Variants in RAVER2 observed in about 807,000 individuals in gnomAD.
RAVER2 encodes ribonucleoprotein PTB-binding 2.
RAVER2 carries 46 observed loss-of-function variants against 78.1 expected under a neutral mutation model. That is an observed-to-expected ratio of 0.59 (90% CI 0.46 to 0.75). The LOEUF (loss-of-function observed/expected upper bound fraction) is 0.75. RAVER2 is among the 30% of genes least tolerant of loss of function. The pLI is 0.00. For synonymous variants in RAVER2, 311 were observed against 313.3 expected, an observed-to-expected ratio of 0.99 and a Z score of 0.08; for missense variants, 793 against 837.5, an observed-to-expected ratio of 0.95 and a Z score of 0.66.
At position 64,745,228 on chromosome 1, in the gene RAVER2, C is replaced by A; in HGVS notation, c.56C>A (p.Ala19Glu). The A allele has an allele frequency of 9.1e-7, 1 of 1,098,716 alleles. No homozygotes were observed. The highest frequency in any genetic ancestry group is 1.1e-6 in the Non-Finnish European group (1 of 901,978). 68.1% of individuals were successfully genotyped at this position (1,098,716 alleles called of 1,614,324 possible). The change falls in exon 1 of 12, where the codon GCG (alanine) becomes GAG (glutamate). Residue 19 changes from alanine to glutamate, a missense_variant. Physicochemically the swap from Ala to Glu is moderately radical, Grantham distance 107. Transcript: ENST00000294428. The surrounding 1 kb of genome is among the most constrained non-coding windows in gnomAD (Gnocchi z 4.3). ...GAGGGGGGCGCGGGCCTGGGCAGCG[C>A]GGCGGGGCTGGGGCCGGGGCCGGGG... is the stretch of plus-strand genomic sequence containing the variant.
rs375746982 is a variant in RAVER2, at chr1:64,799,440, T to C, written c.1106-3536T>C. 5.3e-5 allele frequency among the ~76,000 whole-genome samples: 8 copies of C among 152,260 alleles called. No individual in the cohort carries two copies. In the South Asian group the frequency reaches 1.7e-3, roughly 32 times the overall value. ...CTTTTCTTTGGTTTGTTGTTGTTTTTGTTGTTATTTGTTTGTTTTTTTGAG... is the reference window on the plus strand; with the variant it reads ...CTTTTCTTTGGTTTGTTGTTGTTTTCGTTGTTATTTGTTTGTTTTTTTGAG... On this transcript the variant is annotated intron_variant, in intron 5 of 11. Coordinates refer to ENST00000294428, the Ensembl canonical transcript of RAVER2.
chr1:64,758,184 A>G (rs1380299710), intron 1 of RAVER2, among the ~76,000 whole-genome samples: 2 of 152,210 alleles, frequency 1.3e-5, no homozygotes, highest in Admixed American at 6.5e-5. Context: ...TGTGAAGTAC[A>G]TGTAAGTGTA....
chr1:64,785,544 T>G (rs1342270462), intron 4 of RAVER2, among the ~76,000 whole-genome samples: 1 of 152,050 alleles, frequency 6.6e-6, no homozygotes, highest in Non-Finnish European at 1.5e-5. Context: ...AATTTTTGTA[T>G]TTTTAGTAGA....
chr1:64,780,399 G>A (rs1354164621), intron 3 of RAVER2, among the ~76,000 whole-genome samples: 1 of 152,128 alleles, frequency 6.6e-6, no homozygotes, highest in South Asian at 2.1e-4. Flanking sequence ...GTTTTTAAAG[G>A]AAGAAGTAAT....
At chr1:64,786,783 A>T (rs11581138) in intron 4 of RAVER2, among the ~76,000 whole-genome samples, 7,608 of 151,890 alleles carry the variant, frequency 0.05, 302 homozygotes, top group Admixed American at 0.14. Flanking sequence ...ACACAGCGAG[A>T]CTCTGTCTCA....
intron 2 of RAVER2, among the ~76,000 whole-genome samples, chr1:64,775,529 T>G (rs1652436210): frequency 6.6e-6 from 1 of 151,770 alleles, no homozygotes; most frequent in Non-Finnish European, 1.5e-5. Flanking sequence ...GGGTGTAGAG[T>G]GCGAAAAAAG....
intron 11 of RAVER2, among the ~76,000 whole-genome samples, chr1:64,816,969 C>A (rs1653770699): frequency 6.6e-6 from 1 of 152,128 alleles, no homozygotes; most frequent in South Asian, 2.1e-4. Flanking sequence ...GAACAGGCAA[C>A]CTACAGAAGG....
intron 1 of RAVER2, among the ~76,000 whole-genome samples, chr1:64,758,984 C>T (rs1221678606): frequency 6.6e-6 from 1 of 151,004 alleles, no homozygotes; most frequent in African/African-American, 2.5e-5. Context: ...GGATGGATGA[C>T]TATCTAAATC....
chr1:64,790,661 G>A (rs539370383), intron 5 of RAVER2, among the ~76,000 whole-genome samples: 3 of 152,298 alleles, frequency 2.0e-5, no homozygotes, highest in South Asian at 4.1e-4. Flanking sequence ...TTTGAACATA[G>A]CGTATATAAA....
At chr1:64,831,117 T>G in exon 12 of RAVER2, 1 of 941,664 alleles carries the variant, frequency 1.1e-6, no homozygotes, top group Non-Finnish European at 1.5e-6. Flanking sequence ...AACTGTGTTG[T>G]GCAGCAGGCA....
At chr1:64,781,799 T>C (rs1053503437) in intron 4 of RAVER2, among the ~76,000 whole-genome samples, 7 of 152,204 alleles carry the variant, frequency 4.6e-5, no homozygotes, top group African/African-American at 1.7e-4. Context: ...GTAAAGTGTA[T>C]TTATCTTGAG....
chr1:64,794,354 T>G (rs1240587031), intron 5 of RAVER2, among the ~76,000 whole-genome samples: 1 of 145,316 alleles, frequency 6.9e-6, no homozygotes, highest in Non-Finnish European at 1.5e-5. Flanking sequence ...GCCGAGATCG[T>G]GCCACTGCAC....
rs148918043 is a variant in RAVER2, at chr1:64,827,805, A to G, written c.1930-3034A>G. 4.4e-3 allele frequency among the ~76,000 whole-genome samples: 670 copies of G among 152,308 alleles called. 10 individuals carry two copies. The highest frequency in any genetic ancestry group is 0.015 in the African/African-American group (642 of 41,562). Reference sequence around the variant, plus strand: ...ACAAGTTCAATAGCCTCCTGGTGAGACTTAATAATGCCTGTCTCCTTCATT... The same window carrying G: ...ACAAGTTCAATAGCCTCCTGGTGAGGCTTAATAATGCCTGTCTCCTTCATT... On this transcript the variant is annotated intron_variant, in intron 11 of 11. Transcript: ENST00000294428.
chr1:64,789,725 G>A lies in RAVER2; in HGVS notation c.1105+211G>A, dbSNP rs141995001. 9.2e-3 allele frequency among the ~76,000 whole-genome samples: 1,402 copies of A among 152,218 alleles called. 26 individuals are homozygous for A. The highest frequency in any genetic ancestry group is 0.032 in the African/African-American group (1,342 of 41,524). ...TTTTTGACATATACAACCTGCTTATGTGGTATTTTTTACTATTAATAAATG... is the reference window on the plus strand; with the variant it reads ...TTTTTGACATATACAACCTGCTTATATGGTATTTTTTACTATTAATAAATG... On this transcript the variant is annotated intron_variant, in intron 5 of 11. Transcript: ENST00000294428.
At chr1:64,769,521 G>A (rs1652260256) in intron 2 of RAVER2, among the ~76,000 whole-genome samples, 1 of 152,026 alleles carries the variant, frequency 6.6e-6, no homozygotes, top group Admixed American at 6.6e-5. Flanking sequence ...AGGTAAGATA[G>A]TACTTACCTG....
intron 1 of RAVER2, among the ~76,000 whole-genome samples, chr1:64,761,275 A>G (rs1652011472): frequency 6.6e-6 from 1 of 152,224 alleles, no homozygotes; most frequent in South Asian, 2.1e-4. Flanking sequence ...GCCAAGATAA[A>G]ATTGATACCA....
At chr1:64,763,991 A>G (rs1027884252) in intron 1 of RAVER2, among the ~76,000 whole-genome samples, 5 of 151,688 alleles carry the variant, frequency 3.3e-5, no homozygotes, top group African/African-American at 1.2e-4. Flanking sequence ...ACTCCTTAGT[A>G]TATTCTACTC....
intron 5 of RAVER2, among the ~76,000 whole-genome samples, chr1:64,793,815 G>C (rs1653014587): frequency 6.6e-6 from 1 of 152,148 alleles, no homozygotes; most frequent in Admixed American, 6.5e-5. Flanking sequence ...CGCACAGTCT[G>C]TACTGTTTGG....
At chr1:64,814,789 C>A (rs543644395) in exon 11 of RAVER2, 26 of 1,589,030 alleles carry the variant, frequency 1.6e-5, no homozygotes, top group Non-Finnish European at 2.2e-5. Context: ...AATCACAACA[C>A]GCATTGGAAA....
Sources: allele counts gnomAD v4.1 joint callset (sites outside exome capture counted in the v4.1 genomes callset), GRCh38; gene constraint gnomAD v4.1.1; non-coding constraint Gnocchi (gnomAD v3.1); transcripts MANE v1.5; gene names NCBI Gene and HGNC (gene_info 2026-07-23, HGNC 2026-07-21).